RCOR1: variants seen among roughly 807,000 people sequenced by gnomAD.
The protein encoded by RCOR1 is REST corepressor 1, also known as REST corepressor.
In RCOR1, 12 loss-of-function variants were observed where a neutral mutation model predicts 64.0. The observed-to-expected ratio is 0.19, with a 90% CI of 0.12 to 0.30. The LOEUF (loss-of-function observed/expected upper bound fraction) is 0.30. RCOR1 is among the 10% of genes least tolerant of loss of function. The pLI is 1.00. For missense variants in RCOR1, 502 were observed against 621.2 expected (o/e 0.81, Z 2.04); for synonymous variants, 279 against 227.2 (o/e 1.23, Z -2.05).
intron 2 of RCOR1, among the ~76,000 whole-genome samples, chr14:102,673,549 A>G (rs182200505): frequency 1.1e-3 from 167 of 151,776 alleles, no homozygotes; most frequent in Non-Finnish European, 1.7e-3. Flanking sequence ...GTTAGCCAGG[A>G]TGGTCTCGAT....
intron 2 of RCOR1, among the ~76,000 whole-genome samples, chr14:102,660,459 G>A (rs1324848029): frequency 6.6e-6 from 1 of 151,804 alleles, no homozygotes; most frequent in Non-Finnish European, 1.5e-5. Flanking sequence ...TATGATCATG[G>A]CTTACTGCAG....
At chr14:102,595,666 G>A (rs1288394002) in intron 2 of RCOR1, among the ~76,000 whole-genome samples, 2 of 150,216 alleles carry the variant, frequency 1.3e-5, no homozygotes, top group Admixed American at 1.3e-4. Context: ...TGCAAGCTCC[G>A]CCTCCCAGGT....
At position 102,614,056 on chromosome 14, in the gene RCOR1, C is replaced by T. The variant is rs1205253940; in HGVS notation, c.361+20731C>T. Among the ~76,000 whole-genome samples, 7 of 151,544 alleles carry T rather than the reference C, an allele frequency of 4.6e-5. No individual in the cohort carries two copies. The South Asian group carries it at 6.2e-4, about 13-fold the overall frequency. The stretch of plus-strand genomic sequence containing the variant: ...GATTACAGGCATGTGCCACTACACC[C>T]GGCTGATTTTGTATTTTTGGTAGAG... On this transcript the variant is annotated intron_variant, in intron 2 of 11. Transcript: ENST00000262241.
At chr14:102,603,606 G>A (rs1262675754) in intron 2 of RCOR1, among the ~76,000 whole-genome samples, 1 of 151,188 alleles carries the variant, frequency 6.6e-6, no homozygotes, top group Admixed American at 6.6e-5. Context: ...TCCTGTGAAT[G>A]TATCTTTCTT....
intron 2 of RCOR1, among the ~76,000 whole-genome samples, chr14:102,665,311 CTTT>C (rs35214723): frequency 1.5e-5 from 2 of 132,004 alleles, no homozygotes; most frequent in Non-Finnish European, 1.6e-5. Flanking sequence ...GGCCTCAACA[CTTT>C]TTTTTTTTTT....
At chr14:102,634,637 T>C (rs1273129032) in intron 2 of RCOR1, among the ~76,000 whole-genome samples, 1 of 132,500 alleles carries the variant, frequency 7.5e-6, no homozygotes, top group Non-Finnish European at 1.6e-5. Context: ...TGTATGTGTG[T>C]ATATATATAT....
chr14:102,683,128 A>T (rs964347830), intron 3 of RCOR1, among the ~76,000 whole-genome samples: 1 of 152,214 alleles, frequency 6.6e-6, no homozygotes, highest in African/African-American at 2.4e-5. Flanking sequence ...ATTGATTTTT[A>T]AACAGTGGTG....
intron 8 of RCOR1, among the ~76,000 whole-genome samples, chr14:102,718,766 TA>T (rs1896118552): frequency 2.6e-5 from 4 of 152,074 alleles, no homozygotes; most frequent in Admixed American, 2.0e-4. Flanking sequence ...TAATAAACAC[TA>T]GATGTTTGGC....
At chr14:102,624,578 CA>C (rs1188566817) in intron 2 of RCOR1, among the ~76,000 whole-genome samples, 2 of 152,058 alleles carry the variant, frequency 1.3e-5, no homozygotes, top group Non-Finnish European at 2.9e-5. Flanking sequence ...CCAGCCTGGG[CA>C]ACCTGGTGAA....
chr14:102,668,727 T>C (rs1038793168), intron 2 of RCOR1, among the ~76,000 whole-genome samples: 2 of 152,172 alleles, frequency 1.3e-5, no homozygotes, highest in Non-Finnish European at 2.9e-5. Context: ...GTTTCTGTTT[T>C]TTAAAAACAA....
At chr14:102,695,421 T>C (rs1434710372) in intron 3 of RCOR1, 1 of 152,210 alleles carries the variant, frequency 6.6e-6, no homozygotes. Context: ...TCTCAACTGA[T>C]TCTTCACAAT....
rs943144499 is a variant in RCOR1, at chr14:102,592,708, G to C, written c.-179G>C. 1.6e-6 allele frequency: 2 copies of C among 1,226,950 alleles called. No homozygotes were observed. The highest frequency in any genetic ancestry group is 8.2e-5 in the South Asian group (2 of 24,288). The allele number at this position is 1,226,950 out of a possible 1,614,324, so 76.0% of individuals were successfully genotyped here. On this transcript the variant is annotated 5_prime_UTR_variant, in exon 1 of 12. Transcript: ENST00000262241. Reference sequence around the variant, plus strand: ...AAGTTGCGCTCGGCTCGTCGCTGGGGGCTTGAAGCGGCTCCGCGCTCTGCC... The same window carrying C: ...AAGTTGCGCTCGGCTCGTCGCTGGGCGCTTGAAGCGGCTCCGCGCTCTGCC...
chr14:102,653,923 CTTT>C (rs1297039025), intron 2 of RCOR1, among the ~76,000 whole-genome samples: 176 of 17,218 alleles, frequency 0.01, no homozygotes, highest in Non-Finnish European at 0.014. Flanking sequence ...GTATTTCCTT[CTTT>C]CTTTCTTTCT....
intron 2 of RCOR1, among the ~76,000 whole-genome samples, chr14:102,680,020 A>G (rs1475787950): frequency 6.6e-6 from 1 of 152,228 alleles, no homozygotes; most frequent in Non-Finnish European, 1.5e-5. Context: ...TGCCTTCTTA[A>G]TAATAAGTCT....
intron 2 of RCOR1, among the ~76,000 whole-genome samples, chr14:102,613,882 A>G (rs887575959): frequency 1.1e-5 from 1 of 92,400 alleles, no homozygotes; most frequent in African/African-American, 4.3e-5. Context: ...TGAATTAACT[A>G]TTCTTTTTTT....
chr14:102,631,327 C>T (rs973823799), intron 2 of RCOR1, among the ~76,000 whole-genome samples: 4 of 151,748 alleles, frequency 2.6e-5, no homozygotes, highest in Non-Finnish European at 2.9e-5. Flanking sequence ...CTCAGCCTCC[C>T]GAGTAGCTGG....
At chr14:102,625,533 CTT>C (rs1349751482) in intron 2 of RCOR1, among the ~76,000 whole-genome samples, 13 of 138,538 alleles carry the variant, frequency 9.4e-5, no homozygotes, top group Non-Finnish European at 1.1e-4. Flanking sequence ...CCGCGCCTGG[CTT>C]TTTTTTTTTT....
At chr14:102,688,661 T>C (rs947490430) in intron 3 of RCOR1, among the ~76,000 whole-genome samples, 2 of 152,192 alleles carry the variant, frequency 1.3e-5, no homozygotes, top group African/African-American at 4.8e-5. Context: ...AATTGTGGGC[T>C]TAGTGACTGG....
intron 2 of RCOR1, among the ~76,000 whole-genome samples, chr14:102,599,685 T>C (rs1036793735): frequency 6.6e-6 from 1 of 152,240 alleles, no homozygotes; most frequent in Non-Finnish European, 1.5e-5. Context: ...GTAATTTTAC[T>C]GAACAGGGTG....
Sources: gnomAD v4.1 joint callset for allele counts (sites outside exome capture counted in the v4.1 genomes callset) on GRCh38, gnomAD v4.1.1 for gene constraint, MANE v1.5 for transcripts, NCBI Gene and HGNC (gene_info 2026-07-23, HGNC 2026-07-21) for gene names.